The following AGPAT5 variants were observed in gnomAD, a reference collection of about 807,000 sequenced individuals.
AGPAT5 encodes 1-acylglycerol-3-phosphate O-acyltransferase 5.
In AGPAT5, 46 loss-of-function variants were observed where a neutral mutation model predicts 45.6. The observed-to-expected ratio is 1.01, with a 90% CI of 0.80 to 1.29. The LOEUF (loss-of-function observed/expected upper bound fraction) is 1.29, where lower values mean the gene tolerates loss of function less well. Ranked by LOEUF, AGPAT5 falls within the 50% of genes most tolerant of loss-of-function variation. The probability of loss-of-function intolerance (pLI) is 0.00; values close to 1 mark genes in which losing one functional copy is unlikely to be tolerated. For missense variants in AGPAT5, 673 were observed against 450.7 expected, an observed-to-expected ratio of 1.49 and a Z score of -4.47; for synonymous variants, 272 against 167.0, an observed-to-expected ratio of 1.63 and a Z score of -4.85.
intron 1 of AGPAT5, among the ~76,000 whole-genome samples, chr8:6,719,445 C>G (rs953781803): frequency 1.3e-5 from 2 of 152,230 alleles, no homozygotes; most frequent in South Asian, 4.1e-4. Flanking sequence ...CCTTCCATCA[C>G]AATTCCCACC....
intron 1 of AGPAT5, among the ~76,000 whole-genome samples, chr8:6,712,325 C>G (rs563765246): frequency 6.6e-6 from 1 of 151,832 alleles, no homozygotes; most frequent in South Asian, 2.1e-4. Context: ...ATTCATATTT[C>G]GGTATTCTTT....
intron 4 of AGPAT5, among the ~76,000 whole-genome samples, chr8:6,736,575 T>A (rs1201167009): frequency 6.6e-6 from 1 of 152,260 alleles, no homozygotes; most frequent in African/African-American, 2.4e-5. Flanking sequence ...GTTATCTTCC[T>A]TTGCTGCTGG....
chr8:6,718,399 C>A (rs772807626), intron 1 of AGPAT5, among the ~76,000 whole-genome samples: 22 of 152,278 alleles, frequency 1.4e-4, no homozygotes, highest in African/African-American at 5.3e-4. Flanking sequence ...ACAGTCGTGA[C>A]CTCACATTTC....
chr8:6,717,227 T>A (rs1800362150), intron 1 of AGPAT5, among the ~76,000 whole-genome samples: 1 of 152,274 alleles, frequency 6.6e-6, no homozygotes, highest in Non-Finnish European at 1.5e-5. Flanking sequence ...TCTGTTTCTC[T>A]GTAGGCACCA....
At chr8:6,733,493 G>C (rs1047615306) in intron 4 of AGPAT5, among the ~76,000 whole-genome samples, 1 of 152,148 alleles carries the variant, frequency 6.6e-6, no homozygotes, top group African/African-American at 2.4e-5. Flanking sequence ...TTAGAACATT[G>C]CATCTGTTTT....
rs369644951 is a variant in AGPAT5, at chr8:6,757,439, C to A, written c.*51C>A. The A allele has an allele frequency of 7.0e-7, 1 of 1,434,886 alleles. No homozygotes were observed. The allele number at this position is 1,434,886 out of a possible 1,614,324, so 88.9% of individuals were successfully genotyped here. On this transcript the variant is annotated 3_prime_UTR_variant, in exon 8 of 8. Transcript: ENST00000285518. ...GATGTGCTACATTGTCTATTTTTGG[C>A]GGCTGCACATGACATCAAATTGTTT... is the stretch of plus-strand genomic sequence containing the variant.
At chr8:6,737,284 C>CT (rs1411493775) in intron 4 of AGPAT5, among the ~76,000 whole-genome samples, 4 of 152,172 alleles carry the variant, frequency 2.6e-5, no homozygotes, top group African/African-American at 9.7e-5. Flanking sequence ...GCGGATACAT[C>CT]TTGCTCAGGT....
At chr8:6,738,837 G>A (rs960742706) in intron 4 of AGPAT5, among the ~76,000 whole-genome samples, 2 of 151,178 alleles carry the variant, frequency 1.3e-5, no homozygotes, top group Non-Finnish European at 2.9e-5. Context: ...TTAATTTATT[G>A]ATTTTTTTTC....
intron 1 of AGPAT5, among the ~76,000 whole-genome samples, chr8:6,715,247 G>A (rs1451488883): frequency 6.6e-6 from 1 of 152,204 alleles, no homozygotes; most frequent in Non-Finnish European, 1.5e-5. Context: ...GTAGGGGTTT[G>A]GAAAATCTTA....
intron 6 of AGPAT5, 55 bp downstream of exon 6, chr8:6,747,883 T>C: frequency 6.7e-7 from 1 of 1,497,972 alleles, no homozygotes; most frequent in Non-Finnish European, 9.0e-7. Flanking sequence ...AGTGCACATG[T>C]TTATGTAGAA....
At chr8:6,709,217 C>G (rs1347212215) in intron 1 of AGPAT5, 2 of 385,604 alleles carry the variant, frequency 5.2e-6, no homozygotes, top group African/African-American at 2.1e-5. Context: ...AGTTTCTGGC[C>G]TTTGGTCCAA....
At chr8:6,708,909 G>C (rs370009862) in intron 1 of AGPAT5, 22 bp downstream of exon 1, 64 of 1,588,688 alleles carry the variant, frequency 4.0e-5, no homozygotes, top group Non-Finnish European at 5.1e-5. Flanking sequence ...CCCGCTCCCG[G>C]GTCTCGGCGT....
Position 6,757,352 on chromosome 8 carries a change from C to G in AGPAT5, c.1059C>G (p.Thr353=), listed in dbSNP as rs772301691. The change falls in exon 8 of 8, where the codon ACC becomes ACG. Residue 353 remains threonine, a synonymous_variant. Coordinates refer to ENST00000285518, the MANE Select transcript of AGPAT5 (RefSeq NM_018361.5). ...ATGTGAACACCTGGATATATGGAAC[C>G]CTACTTGGCTGCCTGTGGGTTACTA... The part of the protein sequence containing the change: ...KLYVNTWIYG[T]LLGCLWVTIK... 6.2e-7 allele frequency: 1 copy of G among 1,614,144 alleles called. No homozygotes were observed. The highest frequency in any genetic ancestry group is 8.5e-7 in the Non-Finnish European group (1 of 1,180,022).
intron 1 of AGPAT5, among the ~76,000 whole-genome samples, chr8:6,722,969 G>T (rs1241897899): frequency 6.6e-6 from 1 of 152,154 alleles, no homozygotes; most frequent in South Asian, 2.1e-4. Context: ...ATGTTTTCTT[G>T]TGCCTTATTT....
At chr8:6,725,190 G>A (rs1178083134) in intron 2 of AGPAT5, among the ~76,000 whole-genome samples, 1 of 152,088 alleles carries the variant, frequency 6.6e-6, no homozygotes, top group Non-Finnish European at 1.5e-5. Context: ...TGCTTGCTTT[G>A]TTTTTCCTTT....
At chr8:6,740,350 G>A (rs1801206250) in intron 4 of AGPAT5, among the ~76,000 whole-genome samples, 1 of 151,660 alleles carries the variant, frequency 6.6e-6, no homozygotes. Flanking sequence ...TTGTCTTCCT[G>A]TTTTTCCTTC....
intron 4 of AGPAT5, among the ~76,000 whole-genome samples, chr8:6,736,638 G>C (rs1801061803): frequency 6.6e-6 from 1 of 152,210 alleles, no homozygotes; most frequent in African/African-American, 2.4e-5. Context: ...AGGTGGGAGT[G>C]TCTTTCTCCG....
chr8:6,744,560 G>C (rs550315235), intron 5 of AGPAT5, among the ~76,000 whole-genome samples: 2 of 152,180 alleles, frequency 1.3e-5, no homozygotes, highest in South Asian at 4.2e-4. Context: ...TGCTTGGTTC[G>C]GGGTCCTGTG....
At chr8:6,713,563 T>C (rs1800224171) in intron 1 of AGPAT5, among the ~76,000 whole-genome samples, 1 of 152,102 alleles carries the variant, frequency 6.6e-6, no homozygotes, top group East Asian at 1.9e-4. Context: ...GATTCATACT[T>C]TTTTTTGTAA....
Sources: gnomAD v4.1 joint callset for allele counts (sites outside exome capture counted in the v4.1 genomes callset) on GRCh38, gnomAD v4.1.1 for gene constraint, MANE v1.5 for transcripts, NCBI Gene and HGNC (gene_info 2026-07-23, HGNC 2026-07-21) for gene names.